BICD1: variants seen among roughly 807,000 people sequenced by gnomAD.
BICD1 encodes protein bicaudal D homolog 1.
BICD1 carries 35 observed loss-of-function variants against 92.5 expected under a neutral mutation model. The observed-to-expected ratio is 0.38, with a 90% CI of 0.29 to 0.50. The LOEUF is 0.50. Ranked by LOEUF, BICD1 falls within the 20% of genes least tolerant of loss-of-function variation. The pLI, the probability that BICD1 is intolerant of heterozygous loss-of-function variation, is 0.93. For missense variants in BICD1, 950 were observed against 1,189.8 expected (o/e 0.80, Z 2.97); for synonymous variants, 429 against 465.1 (o/e 0.92, Z 1.00).
intron 2 of BICD1, among the ~76,000 whole-genome samples, chr12:32,288,011 C>CA (rs1393622185): frequency 6.6e-6 from 1 of 152,176 alleles, no homozygotes; most frequent in Non-Finnish European, 1.5e-5. Context: ...TTCACATAGT[C>CA]ACAGTGTTAC....
chr12:32,325,599 ACTACT>A (rs1271634617), intron 4 of BICD1, among the ~76,000 whole-genome samples: 3 of 152,202 alleles, frequency 2.0e-5, no homozygotes, highest in African/African-American at 4.8e-5. Context: ...TCATAAAAAT[ACTACT>A]CTACTCTATT....
At chr12:32,373,856 G>C (rs1021682936) in intron 9 of BICD1, among the ~76,000 whole-genome samples, 3 of 151,792 alleles carry the variant, frequency 2.0e-5, no homozygotes, top group Non-Finnish European at 4.4e-5. Context: ...CTCCAGGCTG[G>C]GCGACAGTTT....
chr12:32,153,264 G>A (rs1943341921), intron 1 of BICD1, among the ~76,000 whole-genome samples: 1 of 152,148 alleles, frequency 6.6e-6, no homozygotes, highest in African/African-American at 2.4e-5. Context: ...TTTTATGGCT[G>A]CATAGAATTC....
chr12:32,291,521 G>A (rs1348226340), intron 2 of BICD1, among the ~76,000 whole-genome samples: 1 of 135,204 alleles, frequency 7.4e-6, no homozygotes. Flanking sequence ...GCAAGACCCT[G>A]CTTCTACCAA....
At chr12:32,307,364 A>C (rs372155026) in intron 4 of BICD1, among the ~76,000 whole-genome samples, 3 of 152,348 alleles carry the variant, frequency 2.0e-5, no homozygotes, top group Non-Finnish European at 1.5e-5. Context: ...GCCTTGAAAA[A>C]ATCGCTTTCT....
intron 1 of BICD1, among the ~76,000 whole-genome samples, chr12:32,137,971 G>A (rs1555132824): frequency 6.6e-6 from 1 of 151,982 alleles, no homozygotes; most frequent in Non-Finnish European, 1.5e-5. Flanking sequence ...TTAATTTTTG[G>A]TGTTTTTAGT....
Position 32,126,048 on chromosome 12 carries a change from C to CAA in BICD1, c.213+18524_213+18525dup, listed in dbSNP as rs61406736. Among the ~76,000 whole-genome samples the CAA allele has an allele frequency of 8.4e-4, 43 of 51,362 alleles. 1 individual carries two copies. The highest frequency in any genetic ancestry group is 4.7e-3 in the South Asian group (8 of 1,714). 33.7% of individuals were successfully genotyped at this position (51,362 alleles called of 152,430 possible). A position where few individuals can be genotyped will look rare whatever the true frequency, so the allele number is the denominator to read the frequency against. ...TGGGCAACAGAGCAAGACTCCATCT[C>CAA]AAAAAAAAAAAAAAAAAAAAAGCAG... On this transcript the variant is annotated intron_variant, in intron 1 of 9. Coordinates refer to ENST00000652176, the MANE Select transcript of BICD1 (RefSeq NM_001714.4).
intron 1 of BICD1, among the ~76,000 whole-genome samples, chr12:32,154,361 A>G (rs543089430): frequency 6.6e-6 from 1 of 152,294 alleles, no homozygotes; most frequent in South Asian, 2.1e-4. Flanking sequence ...GTTAAGAATC[A>G]CTGCTCTGGT....
At position 32,294,024 on chromosome 12, in the gene BICD1, C is replaced by T. The variant is rs989540206; in HGVS notation, c.457C>T (p.Arg153Trp). 11 of 1,612,726 alleles carry T rather than the reference C, an allele frequency of 6.8e-6. No homozygotes were observed. The highest frequency in any genetic ancestry group is 8.5e-6 in the Non-Finnish European group (10 of 1,179,630). ...NNEMVELQRI[R>W]MKDEIREYKF... ...TGAGATGGTGGAGCTACAGAGAATA[C>T]GGATGAAGGATGAAATCCGAGAATA... is the stretch of plus-strand genomic sequence containing the variant. The change falls in exon 3 of 10, where the codon CGG becomes TGG. Residue 153 changes from arginine to tryptophan, a missense_variant. Around this residue, in one of 5 missense-constraint regions of BICD1, gnomAD observed 202 missense variants for 205.3 expected, o/e 0.98. Transcript: ENST00000652176.
rs1948676304 is a variant in BICD1 at position 32,322,144 on chromosome 12, A to AT, written c.1006-5310dup. On this transcript the variant is annotated intron_variant, in intron 4 of 9. Coordinates refer to ENST00000652176, the MANE Select transcript of BICD1 (RefSeq NM_001714.4). ...TTACAAAATTACCTGTATTTTAGTA[A>AT]TTTTTTTGTCAGGCCAAACTTAATT... Among the ~76,000 whole-genome samples, 7 of 152,120 alleles carry AT rather than the reference A, an allele frequency of 4.6e-5. No homozygotes were observed. The South Asian group carries it at 1.2e-3, about 27-fold the overall frequency.
chr12:32,272,571 CTT>C (rs111588983), intron 2 of BICD1, among the ~76,000 whole-genome samples: 4,220 of 152,176 alleles, frequency 0.028, 215 homozygotes, highest in African/African-American at 0.097. Context: ...CTCCAATAAA[CTT>C]GTGTGTGGAG....
At chr12:32,268,346 A>C (rs1947053266) in intron 2 of BICD1, among the ~76,000 whole-genome samples, 1 of 152,188 alleles carries the variant, frequency 6.6e-6, no homozygotes, top group South Asian at 2.1e-4. Context: ...AGATATGAAC[A>C]GATGTGCAAC....
chr12:32,292,390 C>T (rs911696820), intron 2 of BICD1, among the ~76,000 whole-genome samples: 2 of 152,138 alleles, frequency 1.3e-5, no homozygotes, highest in African/African-American at 4.8e-5. Flanking sequence ...GACAGCAGCC[C>T]TATCGGATTG....
intron 2 of BICD1, among the ~76,000 whole-genome samples, chr12:32,272,100 T>C (rs1347127996): frequency 1.3e-5 from 2 of 152,244 alleles, no homozygotes; most frequent in African/African-American, 2.4e-5. Flanking sequence ...ATATTAGTTA[T>C]ATATTGTTAA....
At chr12:32,223,971 G>T (rs1046780615) in intron 2 of BICD1, among the ~76,000 whole-genome samples, 28 of 152,172 alleles carry the variant, frequency 1.8e-4, no homozygotes, top group African/African-American at 5.3e-4. Context: ...CAATATAACA[G>T]ATAAAATAAT....
At position 32,382,912 on chromosome 12, in the gene BICD1, C is replaced by G. The variant is rs1940234861; in HGVS notation, c.*5285C>G. 6.6e-6 allele frequency: 1 copy of G among 151,906 alleles called. No individual in the cohort carries two copies. The highest frequency in any genetic ancestry group is 1.5e-5 in the Non-Finnish European group (1 of 67,906). 9.4% of individuals were successfully genotyped at this position (151,906 alleles called of 1,614,324 possible). The stretch of plus-strand genomic sequence containing the variant: ...GGGTTCATAGGTATGATTTGTGCAG[C>G]CAGTCTTAGAGGAAATACATCATTT... On this transcript the variant is annotated 3_prime_UTR_variant, in exon 10 of 10. Coordinates refer to ENST00000652176, the MANE Select transcript of BICD1 (RefSeq NM_001714.4).
At chr12:32,221,028 G>A (rs1945502851) in intron 2 of BICD1, among the ~76,000 whole-genome samples, 1 of 146,432 alleles carries the variant, frequency 6.8e-6, no homozygotes, top group Non-Finnish European at 1.5e-5. Context: ...CTCACTCATA[G>A]GTGGGAATTG....
intron 1 of BICD1, among the ~76,000 whole-genome samples, chr12:32,132,441 G>A (rs2630566): frequency 0.15 from 22,418 of 150,152 alleles, 1,934 homozygotes; most frequent in East Asian, 0.22. Context: ...AAGATCTTGA[G>A]ATGAGAATGA....
At chr12:32,277,602 G>A (rs1279003691) in intron 2 of BICD1, among the ~76,000 whole-genome samples, 1 of 152,146 alleles carries the variant, frequency 6.6e-6, no homozygotes, top group Non-Finnish European at 1.5e-5. Context: ...ATCCGTCCAG[G>A]TACCCTGTTA....
Sources: gnomAD v4.1 joint callset for allele counts (sites outside exome capture counted in the v4.1 genomes callset) on GRCh38, gnomAD v4.1.1 for gene constraint, gnomAD v4.1.1 regional missense constraint, MANE v1.5 for transcripts, NCBI Gene and HGNC (gene_info 2026-07-23, HGNC 2026-07-21) for gene names.